The following NR1I2 variants were observed in gnomAD, a reference collection of about 807,000 sequenced individuals.
NR1I2 encodes nuclear receptor subfamily 1 group I member 2, also known as orphan nuclear receptor PAR1.
NR1I2 carries 42 observed loss-of-function variants against 43.3 expected under a neutral mutation model. That is an observed-to-expected ratio of 0.97 (90% confidence interval 0.76 to 1.26). The LOEUF is 1.26. NR1I2 is among the 50% of genes most tolerant of loss of function. NR1I2 has a pLI of 0.00. For synonymous variants in NR1I2, 229 were observed against 215.0 expected (o/e 1.06, Z -0.57); for missense variants, 559 against 566.7 (o/e 0.99, Z 0.14).
intron 1 of NR1I2, among the ~76,000 whole-genome samples, chr3:119,797,203 T>TGTGC (rs1553717391): frequency 5.3e-4 from 81 of 151,818 alleles, no homozygotes; most frequent in South Asian, 1.0e-3. Flanking sequence ...TGTGTGTGTG[T>TGTGC]GTGTGTGTGT....
In NR1I2 at chr3:119,817,677, C is replaced by T. The variant is rs1577289127; in HGVS notation, c.*465C>T. On this transcript the variant is annotated 3_prime_UTR_variant, in exon 9 of 9. Coordinates refer to ENST00000393716, the MANE Select transcript of NR1I2 (RefSeq NM_003889.4). Reference sequence around the variant, plus strand: ...ATAGTCCTGTCTCCCACTTCCCACTCGTTCCCCTCCTCTTCCGAGCTGCTT... The same window carrying T: ...ATAGTCCTGTCTCCCACTTCCCACTTGTTCCCCTCCTCTTCCGAGCTGCTT... 8 of 1,113,098 alleles carry T rather than the reference C, an allele frequency of 7.2e-6. No homozygotes were observed. The highest frequency in any genetic ancestry group is 1.3e-4 in the East Asian group (2 of 15,292). The allele number at this position is 1,113,098 out of a possible 1,614,324, so 69.0% of individuals were successfully genotyped here. A position where few individuals can be genotyped will look rare whatever the true frequency, so the allele number is the denominator to read the frequency against.
At chr3:119,799,942 C>T (rs1182448281) in intron 1 of NR1I2, among the ~76,000 whole-genome samples, 3 of 151,892 alleles carry the variant, frequency 2.0e-5, no homozygotes, top group South Asian at 2.1e-4. Flanking sequence ...CTCCAGCCTG[C>T]GTGATGAGAC....
chr3:119,807,234 GA>G lies in NR1I2; in HGVS notation c.-16del, dbSNP rs1461147558. ...TGTGGTTTTCTCATTTCTAGTCCAA[GA>G]GGCCCAGAAGCAAACCTGGAGGTGA... On this transcript the variant is annotated 5_prime_UTR_variant, in exon 2 of 9. Coordinates refer to ENST00000393716, the MANE Select transcript of NR1I2 (RefSeq NM_003889.4). 2 of 1,613,778 alleles carry G rather than the reference GA, an allele frequency of 1.2e-6. No individual in the cohort carries two copies. Among genetic ancestry groups the G allele is most frequent in the East Asian group, 4.5e-5 (2 of 44,884 alleles).
intron 1 of NR1I2, among the ~76,000 whole-genome samples, chr3:119,798,553 T>A (rs997877927): frequency 6.8e-6 from 1 of 147,310 alleles, no homozygotes; most frequent in Non-Finnish European, 1.5e-5. Context: ...GGCAGGAGAA[T>A]GGCGTGAACC....
intron 1 of NR1I2, among the ~76,000 whole-genome samples, chr3:119,804,291 C>T (rs1159290660): frequency 2.7e-5 from 4 of 150,414 alleles, no homozygotes; most frequent in South Asian, 2.1e-4. Flanking sequence ...AGGAGAATGG[C>T]GTCAACCTGG....
At chr3:119,796,816 G>A (rs532543667) in intron 1 of NR1I2, among the ~76,000 whole-genome samples, 5 of 152,290 alleles carry the variant, frequency 3.3e-5, no homozygotes, top group East Asian at 3.9e-4. Context: ...AACAGCCCCT[G>A]CAGCAGTGCA....
chr3:119,799,605 A>G (rs2055049159), intron 1 of NR1I2, among the ~76,000 whole-genome samples: 1 of 152,212 alleles, frequency 6.6e-6, no homozygotes, highest in Non-Finnish European at 1.5e-5. Context: ...ACAAAAAAAA[A>G]CTTTTAAAAG....
rs889604951 is a variant in NR1I2 at position 119,815,768 on chromosome 3, A to C, written c.1097A>C (p.Gln366Pro). Residue 366 changes from glutamine (Q) to proline (P), a missense_variant, in exon 8 of 9, where the codon CAG becomes CCG. Gln to Pro is a moderately conservative substitution (Grantham distance 76). Coordinates refer to ENST00000393716, the MANE Select transcript of NR1I2 (RefSeq NM_003889.4). ...CAGCACCGCGTGGTGGACCAGCTGC[A>C]GGAGCAATTCGCCATTACTCTGAAG... 4.3e-6 allele frequency: 7 copies of C among 1,613,714 alleles called. No individual in the cohort carries two copies. The Admixed American group carries it at 1.0e-4, about 23-fold the overall frequency.
In NR1I2 at chr3:119,818,046, T is replaced by C; in HGVS notation, c.*834T>C. The C allele has an allele frequency of 1.0e-6, 1 of 985,528 alleles. No individual in the cohort carries two copies. The highest frequency in any genetic ancestry group is 5.2e-4 in the Middle Eastern group (1 of 1,912). 61.0% of individuals were successfully genotyped at this position (985,528 alleles called of 1,614,324 possible). A position where few individuals can be genotyped will look rare whatever the true frequency, so the allele number is the denominator to read the frequency against. ...TCCCTGTGTGGATGCTGAGCTGTGA[T>C]GGCGGGCACTGGGTACCCAAGTGAA... On this transcript the variant is annotated 3_prime_UTR_variant, in exon 9 of 9. Coordinates refer to ENST00000393716, the MANE Select transcript of NR1I2 (RefSeq NM_003889.4).
intron 1 of NR1I2, among the ~76,000 whole-genome samples, chr3:119,794,520 G>T (rs1339102616): frequency 4.0e-5 from 6 of 149,158 alleles, no homozygotes; most frequent in African/African-American, 1.2e-4. Context: ...AAGAGATAGG[G>T]TCTTGCTATA....
intron 2 of NR1I2, among the ~76,000 whole-genome samples, chr3:119,809,738 C>T (rs1239686652): frequency 5.3e-5 from 8 of 152,142 alleles, no homozygotes; most frequent in Non-Finnish European, 1.5e-5. Flanking sequence ...GAAGGGAAGG[C>T]GCTGAGGATG....
At chr3:119,807,845 G>A (rs986538394) in intron 2 of NR1I2, among the ~76,000 whole-genome samples, 18 of 152,204 alleles carry the variant, frequency 1.2e-4, no homozygotes, top group Admixed American at 7.9e-4. Flanking sequence ...GGGAGGGGAA[G>A]GGCGGGGAGG....
chr3:119,811,705 C>T lies in NR1I2; in HGVS notation c.498C>T (p.Phe166=). The stretch of plus-strand genomic sequence containing the variant: ...AGATGAAAACCTTTGACACTACCTT[C>T]TCCCATTTCAAGAATTTCCGGGTAG... Residue 166 remains phenylalanine, a synonymous_variant, in exon 4 of 9, where the codon TTC becomes TTT. Coordinates refer to ENST00000393716, the MANE Select transcript of NR1I2 (RefSeq NM_003889.4). The T allele has an allele frequency of 6.2e-7, 1 of 1,611,794 alleles. No homozygotes were observed. The highest frequency in any genetic ancestry group is 8.5e-7 in the Non-Finnish European group (1 of 1,178,810).
At chr3:119,794,326 G>A (rs1180254143) in intron 1 of NR1I2, among the ~76,000 whole-genome samples, 1 of 151,754 alleles carries the variant, frequency 6.6e-6, no homozygotes, top group Admixed American at 6.6e-5. Context: ...CTGAGTAGCT[G>A]GGACCACAGG....
intron 1 of NR1I2, among the ~76,000 whole-genome samples, chr3:119,790,432 G>A (rs2054903275): frequency 6.6e-6 from 1 of 152,118 alleles, no homozygotes; most frequent in African/African-American, 2.4e-5. Context: ...TCCAGAAATG[G>A]TTGCTGAATT....
At chr3:119,805,617 C>G (rs986201858) in intron 1 of NR1I2, among the ~76,000 whole-genome samples, 1 of 151,282 alleles carries the variant, frequency 6.6e-6, no homozygotes, top group Admixed American at 6.6e-5. Flanking sequence ...GCAGGAGAAT[C>G]GCTTGAGCCC....
rs140116136 is a variant in NR1I2 at position 119,809,154 on chromosome 3, C to T, written c.198-907C>T. Among the ~76,000 whole-genome samples, 369 of 152,272 alleles carry T rather than the reference C, an allele frequency of 2.4e-3. 2 individuals are homozygous for T. Among genetic ancestry groups the T allele is most frequent in the Middle Eastern group, 0.01 (3 of 294 alleles). ...CCTTCCCTCAGTTTCCACTCTGGAC[C>T]AGAATCAGAGGCCAGAGCCAAGGGA... is the stretch of plus-strand genomic sequence containing the variant. On this transcript the variant is annotated intron_variant, in intron 2 of 8. Coordinates refer to ENST00000393716, the MANE Select transcript of NR1I2 (RefSeq NM_003889.4).
At chr3:119,788,097 G>T (rs182161475) in intron 1 of NR1I2, among the ~76,000 whole-genome samples, 5 of 132,600 alleles carry the variant, frequency 3.8e-5, no homozygotes, top group Non-Finnish European at 8.6e-5. Context: ...AAAGTACATT[G>T]ACTTTTTAAA....
chr3:119,788,130 A>G (rs1419012971), intron 1 of NR1I2, among the ~76,000 whole-genome samples: 2 of 152,124 alleles, frequency 1.3e-5, no homozygotes, highest in Non-Finnish European at 2.9e-5. Flanking sequence ...TTATTACTTT[A>G]AGAGACAGGG....
Sources: gnomAD v4.1 joint callset for allele counts (sites outside exome capture counted in the v4.1 genomes callset) on GRCh38, gnomAD v4.1.1 for gene constraint, MANE v1.5 for transcripts, NCBI Gene and HGNC (gene_info 2026-07-23, HGNC 2026-07-21) for gene names.